Variants in SDHA observed in about 807,000 individuals in gnomAD.
The protein encoded by SDHA is succinate dehydrogenase complex flavoprotein subunit A.
SDHA carries 48 observed loss-of-function variants against 78.4 expected under a neutral mutation model. That is an observed-to-expected ratio of 0.61 (90% CI 0.49 to 0.78). The LOEUF (loss-of-function observed/expected upper bound fraction) is 0.78, where lower values mean the gene tolerates loss of function less well. Among genes scored for constraint, SDHA ranks in the 30% least tolerant of loss-of-function variants. SDHA has a pLI of 0.00. For missense variants in SDHA, 680 were observed against 892.7 expected (o/e 0.76, Z 3.04); for synonymous variants, 326 against 353.9 (o/e 0.92, Z 0.88).
intron 11 of SDHA, chr5:249,337 G>T (rs568172157): frequency 9.0e-5 from 20 of 222,924 alleles, no homozygotes; most frequent in Non-Finnish European, 9.9e-5. Flanking sequence ...TTGGGAACAG[G>T]CCCCCCAATG....
chr5:241,036 C>T (rs987055893), intron 11 of SDHA, among the ~76,000 whole-genome samples: 2 of 151,970 alleles, frequency 1.3e-5, no homozygotes, highest in East Asian at 1.9e-4. Context: ...TACTCCTCAC[C>T]GTATCAAGAA....
Position 250,648 on chromosome 5 carries a change from G to T in SDHA, c.1552-344G>T, listed in dbSNP as rs1380318352. The T allele has an allele frequency of 1.7e-5, 6 of 363,404 alleles. No individual in the cohort carries two copies. The East Asian group carries it at 4.3e-4, about 26-fold the overall frequency. The allele number at this position is 363,404 out of a possible 1,614,324, so 22.5% of individuals were successfully genotyped here. A position where few individuals can be genotyped will look rare whatever the true frequency, so the allele number is the denominator to read the frequency against. On this transcript the variant is annotated intron_variant, in intron 11 of 14. Coordinates refer to ENST00000264932, the MANE Select transcript of SDHA (RefSeq NM_004168.4). ...CCCCGCGTCAGGAGTCCCGCCAGGG[G>T]TGTGGAGAGGCAGCGCTGCCTGGTT...
chr5:232,209 G>T (rs1405316628), intron 7 of SDHA, among the ~76,000 whole-genome samples: 6 of 149,430 alleles, frequency 4.0e-5, no homozygotes, highest in African/African-American at 1.5e-4. Context: ...TTGTTGTAGT[G>T]TTTTTTTTTT....
At chr5:261,681 C>T (rs377146989), downstream of SDHA, among the ~76,000 whole-genome samples, 1 of 61,376 alleles carries the variant, frequency 1.6e-5, no homozygotes, top group Non-Finnish European at 2.9e-5. Flanking sequence ...CCTCCCGTCA[C>T]AGCATTACCG....
the SDHA span, among the ~76,000 whole-genome samples, chr5:262,609 G>C: frequency 1.3e-5 from 2 of 152,210 alleles, no homozygotes; most frequent in Non-Finnish European, 2.9e-5. Context: ...ACACTTGTCC[G>C]TGGAAAAAGT....
At chr5:259,466 T>C (rs1490690914), downstream of SDHA, among the ~76,000 whole-genome samples, 5 of 26,060 alleles carry the variant, frequency 1.9e-4, no homozygotes, top group African/African-American at 1.1e-3. Context: ...GAGCTCCGCC[T>C]CCTGCCAGAG....
chr5:222,658 G>A (rs57037161), intron 1 of SDHA, among the ~76,000 whole-genome samples: 14,588 of 152,090 alleles, frequency 0.096, 2,277 homozygotes, highest in African/African-American at 0.33. Context: ...TATTCTTGAT[G>A]ATATTTCTGA....
At chr5:267,085 G>A in the SDHA span, among the ~76,000 whole-genome samples, 964 of 152,368 alleles carry the variant, frequency 6.3e-3, 6 homozygotes, top group Middle Eastern at 0.014. Flanking sequence ...ATAGCACCTA[G>A]CTGATAGATT....
chr5:227,022 T>C (rs1193745937), intron 5 of SDHA, among the ~76,000 whole-genome samples: 2 of 152,190 alleles, frequency 1.3e-5, no homozygotes, highest in Non-Finnish European at 2.9e-5. Flanking sequence ...TGTTTTGTTT[T>C]GTTTTTGAGA....
chr5:225,789 C>G, intron 4 of SDHA, 94 bp from the exon 5 acceptor site: 1 of 1,526,580 alleles, frequency 6.6e-7, no homozygotes, highest in Non-Finnish European at 9.1e-7. Flanking sequence ...TTTGGGTTTG[C>G]AGATTTGTGT....
At chr5:231,044 G>A (rs755147059) in intron 7 of SDHA, 44 bp downstream of exon 7, 1 of 1,611,190 alleles carries the variant, frequency 6.2e-7, no homozygotes, top group South Asian at 1.1e-5. Context: ...GCTTGTGTGT[G>A]TCTTGTAAGC....
intron 11 of SDHA, among the ~76,000 whole-genome samples, chr5:247,639 A>G (rs1736541862): frequency 6.6e-6 from 1 of 152,200 alleles, no homozygotes; most frequent in Admixed American, 6.5e-5. Context: ...GATGTCACAC[A>G]TGTTCCCTCG....
At position 225,648 on chromosome 5, in the gene SDHA, A is replaced by C. The variant is rs541934209; in HGVS notation, c.456+86A>C. The C allele has an allele frequency of 3.6e-5, 57 of 1,589,130 alleles. No homozygotes were observed. In the African/African-American group the frequency reaches 7.4e-4, roughly 21 times the overall value. ...AAAAAAATGTAAGCAATTGAGGCGGATGTGGCAGCCAAAAGAATGGTGATG... is the reference window on the plus strand; with the variant it reads ...AAAAAAATGTAAGCAATTGAGGCGGCTGTGGCAGCCAAAAGAATGGTGATG... On this transcript the variant is annotated intron_variant, in intron 4 of 14. Transcript: ENST00000264932.
chr5:236,245 G>A (rs1317304344), intron 9 of SDHA, 183 bp from the exon 10 acceptor site: 1 of 668,746 alleles, frequency 1.5e-6, no homozygotes, highest in Non-Finnish European at 2.8e-6. Context: ...GACAGGTCTT[G>A]AACCCCTGAC....
At chr5:250,970 C>T (rs1736783201) in intron 11 of SDHA, 22 bp from the exon 12 acceptor site, 1 of 1,601,222 alleles carries the variant, frequency 6.2e-7, no homozygotes, top group African/African-American at 1.3e-5. Context: ...TAAAAGTTTA[C>T]AAATAATATT....
downstream of SDHA, among the ~76,000 whole-genome samples, chr5:259,858 C>G (rs371324852): frequency 4.5e-3 from 76 of 16,706 alleles, no homozygotes; most frequent in South Asian, 6.9e-3. Context: ...CCTCCCGTCA[C>G]AGCATTACCG....
chr5:235,186 C>A lies in SDHA; in HGVS notation c.1107C>A (p.His369Gln), dbSNP rs1268877544. The change falls in exon 9 of 15, where the codon CAC becomes CAA. Residue 369 changes from histidine to glutamine, a missense_variant. Coordinates refer to ENST00000264932, the MANE Select transcript of SDHA (RefSeq NM_004168.4). ...AAGATCACGTCTACCTGCAGCTGCA[C>A]CACCTACCTCCAGAGCAGCTGGCCA... ...PEKDHVYLQLHHLPPEQLATR... is the reference protein window; with the variant it reads ...PEKDHVYLQLQHLPPEQLATR... 7 of 1,613,976 alleles carry A rather than the reference C, an allele frequency of 4.3e-6. No individual in the cohort carries two copies. Among genetic ancestry groups the A allele is most frequent in the Non-Finnish European group, 5.1e-6 (6 of 1,179,852 alleles).
chr5:231,694 C>T (rs775907172), intron 7 of SDHA, among the ~76,000 whole-genome samples: 4 of 152,164 alleles, frequency 2.6e-5, no homozygotes, highest in Non-Finnish European at 5.9e-5. Context: ...GGGTCTCCAC[C>T]GGGGTTTACT....
intron 11 of SDHA, 107 bp downstream of exon 11, chr5:240,583 G>A: frequency 1.3e-6 from 1 of 775,052 alleles, no homozygotes. Context: ...GTGCAGTTTT[G>A]TGTGGATGTA....
Sources: allele counts gnomAD v4.1 joint callset (sites outside exome capture counted in the v4.1 genomes callset), GRCh38; gene constraint gnomAD v4.1.1; transcripts MANE v1.5; gene names NCBI Gene and HGNC (gene_info 2026-07-23, HGNC 2026-07-21).